Variants in NMNAT3 observed in about 807,000 individuals in gnomAD.
NMNAT3 encodes nicotinamide/nicotinic acid mononucleotide adenylyltransferase 3.
NMNAT3 carries 21 observed loss-of-function variants against 24.8 expected under a neutral mutation model. The observed-to-expected ratio is 0.85, with a 90% CI of 0.60 to 1.22. NMNAT3 has a LOEUF of 1.22. Ranked by LOEUF, NMNAT3 falls within the 50% of genes most tolerant of loss-of-function variation. The pLI is 0.00. For synonymous variants in NMNAT3, 136 were observed against 155.2 expected (o/e 0.88, Z 0.92); for missense variants, 387 against 436.6 (o/e 0.89, Z 1.01).
chr3:139,659,954 G>T (rs1045911353), intron 1 of NMNAT3, among the ~76,000 whole-genome samples: 2 of 152,190 alleles, frequency 1.3e-5, no homozygotes, highest in African/African-American at 4.8e-5. Context: ...AGAAATCAGG[G>T]CTGGGGCCCA....
intron 3 of NMNAT3, among the ~76,000 whole-genome samples, chr3:139,609,516 TC>T (rs1358692483): frequency 6.6e-6 from 1 of 152,242 alleles, no homozygotes. Flanking sequence ...CATGTGCTTA[TC>T]CGCTATCTGT....
intron 3 of NMNAT3, among the ~76,000 whole-genome samples, chr3:139,611,458 GGTAA>G (rs774290607): frequency 4.6e-5 from 7 of 152,150 alleles, no homozygotes; most frequent in Non-Finnish European, 8.8e-5. Flanking sequence ...AGAGAGATGG[GGTAA>G]ATTGTTCAAG....
chr3:139,593,528 C>A (rs1312882441), intron 3 of NMNAT3, among the ~76,000 whole-genome samples: 7 of 152,090 alleles, frequency 4.6e-5, no homozygotes, highest in African/African-American at 1.4e-4. Flanking sequence ...GCACCACACC[C>A]CACCTATTCC....
At chr3:139,641,587 A>T (rs951506940) in intron 1 of NMNAT3, among the ~76,000 whole-genome samples, 1 of 152,226 alleles carries the variant, frequency 6.6e-6, no homozygotes, top group Non-Finnish European at 1.5e-5. Context: ...AGGTTGGGAT[A>T]AAGCCCAAGG....
intron 5 of NMNAT3, among the ~76,000 whole-genome samples, chr3:139,578,617 A>G (rs1355605940): frequency 1.3e-5 from 2 of 152,248 alleles, no homozygotes; most frequent in Admixed American, 1.3e-4. Context: ...TGCTACCGTC[A>G]TCTGAAATAA....
chr3:139,631,851 A>G (rs966829766), intron 2 of NMNAT3, among the ~76,000 whole-genome samples: 15 of 152,274 alleles, frequency 9.9e-5, no homozygotes, highest in African/African-American at 3.6e-4. Context: ...TACTTGTTAC[A>G]TATTTTATCA....
At chr3:139,587,363 G>T (rs2053980639) in intron 3 of NMNAT3, among the ~76,000 whole-genome samples, 1 of 152,170 alleles carries the variant, frequency 6.6e-6, no homozygotes, top group Non-Finnish European at 1.5e-5. Flanking sequence ...CAAGGCACAG[G>T]TCCAGACAAC....
At chr3:139,642,312 A>C (rs968550446) in intron 1 of NMNAT3, among the ~76,000 whole-genome samples, 2 of 152,224 alleles carry the variant, frequency 1.3e-5, no homozygotes, top group Admixed American at 1.3e-4. Flanking sequence ...AAGAGGCCTC[A>C]GTTCTTGCCT....
intron 4 of NMNAT3, among the ~76,000 whole-genome samples, chr3:139,579,561 G>A (rs764106866): frequency 2.0e-4 from 30 of 152,132 alleles, no homozygotes; most frequent in Non-Finnish European, 3.5e-4. Flanking sequence ...TGGACTAGTC[G>A]CACAGGCCAC....
At chr3:139,600,158 C>T (rs1427993742) in intron 3 of NMNAT3, among the ~76,000 whole-genome samples, 1 of 152,210 alleles carries the variant, frequency 6.6e-6, no homozygotes, top group Non-Finnish European at 1.5e-5. Context: ...CTTTCAGTGC[C>T]TGAGCTTGTC....
At chr3:139,643,865 T>C (rs1018502083) in intron 1 of NMNAT3, among the ~76,000 whole-genome samples, 5 of 152,250 alleles carry the variant, frequency 3.3e-5, no homozygotes, top group African/African-American at 9.6e-5. Flanking sequence ...TTTTATATTA[T>C]GTGTATTTTA....
intron 1 of NMNAT3, among the ~76,000 whole-genome samples, chr3:139,657,150 C>T (rs530417941): frequency 8.5e-5 from 13 of 152,224 alleles, no homozygotes; most frequent in East Asian, 1.9e-4. Flanking sequence ...AGTGAAGGGC[C>T]GGCCAGGCCA....
intron 3 of NMNAT3, chr3:139,584,228 T>C (rs1272440647): frequency 6.5e-6 from 1 of 153,864 alleles, no homozygotes; most frequent in Non-Finnish European, 1.5e-5. Context: ...GTTTGGAGGT[T>C]CTAGCAGAGG....
At chr3:139,657,919 C>T (rs183577360) in intron 1 of NMNAT3, among the ~76,000 whole-genome samples, 43 of 151,912 alleles carry the variant, frequency 2.8e-4, no homozygotes, top group Non-Finnish European at 3.5e-4. Context: ...CTCTGGGGCT[C>T]CCTAAAGAGC....
chr3:139,586,417 C>A (rs982026942), intron 3 of NMNAT3, among the ~76,000 whole-genome samples: 1 of 152,110 alleles, frequency 6.6e-6, no homozygotes, highest in African/African-American at 2.4e-5. Flanking sequence ...TGCTACCCAC[C>A]ACTTTTTGTT....
chr3:139,627,981 C>A (rs1437624255), intron 2 of NMNAT3, among the ~76,000 whole-genome samples: 1 of 152,220 alleles, frequency 6.6e-6, no homozygotes, highest in Non-Finnish European at 1.5e-5. Context: ...TTTAACGACC[C>A]TGAGTGGTTA....
intron 1 of NMNAT3, among the ~76,000 whole-genome samples, chr3:139,657,736 G>A (rs918928672): frequency 1.3e-5 from 2 of 151,920 alleles, no homozygotes; most frequent in Non-Finnish European, 2.9e-5. Flanking sequence ...GTCATGTTGT[G>A]GGGGATGGAT....
chr3:139,605,388 G>A (rs2054897589), intron 3 of NMNAT3, among the ~76,000 whole-genome samples: 2 of 152,100 alleles, frequency 1.3e-5, no homozygotes, highest in East Asian at 3.9e-4. Flanking sequence ...GAATTAATCT[G>A]TGAGGGTATA....
At chr3:139,654,368 G>A (rs982573676) in intron 1 of NMNAT3, among the ~76,000 whole-genome samples, 1 of 152,200 alleles carries the variant, frequency 6.6e-6, no homozygotes. Context: ...ACCAGGGAGA[G>A]AGAGAGCCAG....
Sources: gnomAD v4.1 joint callset for allele counts (sites outside exome capture counted in the v4.1 genomes callset) on GRCh38, gnomAD v4.1.1 for gene constraint, MANE v1.5 for transcripts, NCBI Gene and HGNC (gene_info 2026-07-23, HGNC 2026-07-21) for gene names.